Variants in CACNA2D1 observed in about 807,000 individuals in gnomAD.
CACNA2D1 encodes voltage-dependent calcium channel subunit alpha-2/delta-1.
Under a neutral mutation model 171.5 loss-of-function variants are expected in CACNA2D1, and 53 were observed. The ratio of observed to expected loss-of-function variants is 0.31; its 90% CI spans 0.25 to 0.39. The LOEUF is 0.39. CACNA2D1 is among the 10% of genes least tolerant of loss of function. The probability of loss-of-function intolerance (pLI) is 1.00; values close to 1 mark genes in which losing one functional copy is unlikely to be tolerated. For missense variants in CACNA2D1, 903 were observed against 1,299.8 expected (o/e 0.69, Z 4.69); for synonymous variants, 442 against 443.1 (o/e 1.00, Z 0.03).
At chr7:82,399,451 C>A (rs1484232524) in intron 1 of CACNA2D1, among the ~76,000 whole-genome samples, 5 of 149,984 alleles carry the variant, frequency 3.3e-5, no homozygotes, top group African/African-American at 9.8e-5. Flanking sequence ...AAAAAAAAAA[C>A]AAAAAAACTC....
chr7:81,997,378 T>A, intron 18 of CACNA2D1, 128 bp from the exon 19 acceptor site: 1 of 528,052 alleles, frequency 1.9e-6, no homozygotes, highest in South Asian at 2.2e-5. Flanking sequence ...TATAAAGGTA[T>A]CTTCTTTCAT....
At chr7:81,999,626 A>G (rs538696959) in intron 18 of CACNA2D1, among the ~76,000 whole-genome samples, 11 of 152,242 alleles carry the variant, frequency 7.2e-5, no homozygotes, top group Admixed American at 7.2e-4. Flanking sequence ...AAAATAAAAC[A>G]GACCATTTTC....
At chr7:82,009,435 A>T (rs1799491510) in intron 15 of CACNA2D1, among the ~76,000 whole-genome samples, 1 of 152,124 alleles carries the variant, frequency 6.6e-6, no homozygotes, top group Non-Finnish European at 1.5e-5. Context: ...GCTTCCAATG[A>T]AAACCTCCCA....
intron 1 of CACNA2D1, among the ~76,000 whole-genome samples, chr7:82,406,535 C>T (rs1827068758): frequency 2.0e-5 from 3 of 152,312 alleles, no homozygotes; most frequent in South Asian, 4.1e-4. Flanking sequence ...CCTATTTCTC[C>T]ACATCCTCTC....
At chr7:82,105,133 T>C (rs761061446) in intron 6 of CACNA2D1, among the ~76,000 whole-genome samples, 2 of 152,052 alleles carry the variant, frequency 1.3e-5, no homozygotes, top group Non-Finnish European at 2.9e-5. Context: ...AAACTGTTAC[T>C]GAAGGTAATT....
chr7:81,991,526 A>G (rs1186876630), intron 20 of CACNA2D1, among the ~76,000 whole-genome samples: 1 of 152,208 alleles, frequency 6.6e-6, no homozygotes, highest in East Asian at 1.9e-4. Context: ...TTAATAATGA[A>G]ACAGGACTAT....
chr7:82,193,886 A>G (rs940550490), intron 3 of CACNA2D1, among the ~76,000 whole-genome samples: 6 of 152,054 alleles, frequency 3.9e-5, no homozygotes, highest in African/African-American at 1.4e-4. Context: ...ATGGCTTTCA[A>G]AACATTCCCT....
Position 81,967,164 on chromosome 7 carries a change from C to A in CACNA2D1, c.2502+5G>T. The A allele has an allele frequency of 6.2e-7, 1 of 1,602,930 alleles. No individual in the cohort carries two copies. The highest frequency in any genetic ancestry group is 2.2e-5 in the East Asian group (1 of 44,534). On this transcript the variant is annotated splice_donor_5th_base_variant and intron_variant, in intron 31 of 38. Transcript: ENST00000356860. ...CTCAAAAGTGATTTTAAATAGTTTT[C>A]TTACGTCACTGTTTCTTTTGCAGTC...
chr7:81,991,092 C>G (rs1797496619), intron 21 of CACNA2D1, 93 bp downstream of exon 21: 1 of 723,402 alleles, frequency 1.4e-6, no homozygotes, highest in Non-Finnish European at 2.5e-6. Context: ...GGGAACTTTT[C>G]TAGTGAAAAT....
At position 82,329,357 on chromosome 7, in the gene CACNA2D1, G is replaced by A. The variant is rs79992042; in HGVS notation, c.294+5778C>T. 5.1e-3 allele frequency among the ~76,000 whole-genome samples: 782 copies of A among 152,228 alleles called. 21 individuals carry two copies. The East Asian group carries it at 0.081, about 16-fold the overall frequency. On this transcript the variant is annotated intron_variant, in intron 3 of 38. Transcript: ENST00000356860. The stretch of plus-strand genomic sequence containing the variant: ...AAAGTTACCAGGACAACCAGAGGGA[G>A]ACAGAATATGCCATAATTGGAAAAT...
At chr7:81,990,708 G>A (rs1318724188) in intron 21 of CACNA2D1, among the ~76,000 whole-genome samples, 1 of 152,114 alleles carries the variant, frequency 6.6e-6, no homozygotes, top group Non-Finnish European at 1.5e-5. Context: ...AGATTACTAG[G>A]TTTTAGGCTG....
chr7:82,291,502 A>G, intron 3 of CACNA2D1, among the ~76,000 whole-genome samples: 1 of 136,970 alleles, frequency 7.3e-6, no homozygotes, highest in African/African-American at 2.7e-5. Context: ...ATTTTTATAT[A>G]TAGATAGATC....
intron 3 of CACNA2D1, among the ~76,000 whole-genome samples, chr7:82,257,676 CCT>C (rs1243521212): frequency 1.3e-5 from 2 of 152,130 alleles, no homozygotes; most frequent in Non-Finnish European, 2.9e-5. Context: ...GTTATAATAT[CCT>C]CTCTTTCATG....
intron 3 of CACNA2D1, among the ~76,000 whole-genome samples, chr7:82,171,734 A>T (rs528389758): frequency 1.3e-5 from 2 of 152,178 alleles, no homozygotes; most frequent in Non-Finnish European, 2.9e-5. Flanking sequence ...TTATGCAGCT[A>T]GAAGATAGTG....
intron 5 of CACNA2D1, among the ~76,000 whole-genome samples, chr7:82,118,771 C>T (rs577734650): frequency 5.0e-4 from 76 of 152,030 alleles, no homozygotes; most frequent in African/African-American, 1.7e-3. Flanking sequence ...AAAATAATAA[C>T]GTACTTCTCA....
intron 12 of CACNA2D1, among the ~76,000 whole-genome samples, chr7:82,019,244 C>T (rs778930769): frequency 6.6e-6 from 1 of 152,030 alleles, no homozygotes; most frequent in African/African-American, 2.4e-5. Context: ...TACTTGAACC[C>T]GGGAGGTGGA....
Position 82,037,744 on chromosome 7 carries a change from TGTG to T in CACNA2D1, c.1038+330_1038+332del, listed in dbSNP as rs1314568490. On this transcript the variant is annotated intron_variant, in intron 11 of 38. Coordinates refer to ENST00000356860, the MANE Select transcript of CACNA2D1 (RefSeq NM_000722.4). ...AAAGTGCAAGGTTACAGATAAATACTGTGGTGATTGAGATAAGAAAAAGTAATG... is the reference window on the plus strand; with the variant it reads ...AAAGTGCAAGGTTACAGATAAATACTGTGATTGAGATAAGAAAAAGTAATG... Among the ~76,000 whole-genome samples, 30 of 152,318 alleles carry T rather than the reference TGTG, an allele frequency of 2.0e-4. 1 individual carries two copies. The highest frequency in any genetic ancestry group is 2.0e-3 in the Admixed American group (30 of 15,298).
At chr7:82,184,806 G>A (rs916607557) in intron 3 of CACNA2D1, among the ~76,000 whole-genome samples, 2 of 152,068 alleles carry the variant, frequency 1.3e-5, no homozygotes, top group African/African-American at 4.8e-5. Context: ...TTTACATATG[G>A]TATCTCAGTT....
chr7:82,371,833 G>A (rs1391483072), intron 1 of CACNA2D1, among the ~76,000 whole-genome samples: 1 of 152,054 alleles, frequency 6.6e-6, no homozygotes, highest in Non-Finnish European at 1.5e-5. Context: ...GCAAAGTGCT[G>A]GGATTACAGA....
Sources: allele counts gnomAD v4.1 joint callset (sites outside exome capture counted in the v4.1 genomes callset), GRCh38; gene constraint gnomAD v4.1.1; transcripts MANE v1.5; gene names NCBI Gene and HGNC (gene_info 2026-07-23, HGNC 2026-07-21).